The following NLRP14 variants were observed in gnomAD, a reference collection of about 807,000 sequenced individuals.
The protein encoded by NLRP14 is NACHT, LRR and PYD domains-containing protein 14.
A neutral mutation model predicts 94.7 loss-of-function variants in NLRP14; 105 were observed. The observed-to-expected ratio is 1.11, with a 90% CI of 0.95 to 1.30. The LOEUF is 1.30. NLRP14 is among the 50% of genes most tolerant of loss of function. The pLI, the probability that NLRP14 is intolerant of heterozygous loss-of-function variation, is 0.00. For synonymous variants in NLRP14, 508 were observed against 459.9 expected, an observed-to-expected ratio of 1.10 and a Z score of -1.34; for missense variants, 1,362 against 1,254.1, an observed-to-expected ratio of 1.09 and a Z score of -1.30.
chr11:7,082,252 C>T, the NLRP14 span, among the ~76,000 whole-genome samples: 7 of 152,174 alleles, frequency 4.6e-5, no homozygotes, highest in Non-Finnish European at 1.0e-4. Flanking sequence ...AGGCTTTTAA[C>T]TCATTTTTTT....
downstream of NLRP14, among the ~76,000 whole-genome samples, chr11:7,073,721 A>T (rs1446723809): frequency 6.6e-6 from 1 of 152,232 alleles, no homozygotes; most frequent in African/African-American, 2.4e-5. Flanking sequence ...TTATAAGAGA[A>T]TATTTCAAAT....
At chr11:7,028,552 A>G (rs1852046596) in intron 1 of NLRP14, among the ~76,000 whole-genome samples, 1 of 152,136 alleles carries the variant, frequency 6.6e-6, no homozygotes. Flanking sequence ...GCTATTATTC[A>G]CTTTGCCCAA....
At chr11:7,032,133 A>G (rs897585265) in intron 1 of NLRP14, among the ~76,000 whole-genome samples, 7 of 152,226 alleles carry the variant, frequency 4.6e-5, no homozygotes, top group Admixed American at 4.6e-4. Flanking sequence ...TATTTAAGGA[A>G]TGTATTCTAA....
chr11:7,080,013 G>A, the NLRP14 span, among the ~76,000 whole-genome samples: 7 of 152,164 alleles, frequency 4.6e-5, no homozygotes, highest in Non-Finnish European at 7.3e-5. Flanking sequence ...AAGGACTGGC[G>A]GGAAGGTTGT....
At chr11:7,021,274 T>C (rs2119531460) in intron 1 of NLRP14, among the ~76,000 whole-genome samples, 2 of 152,350 alleles carry the variant, frequency 1.3e-5, no homozygotes, top group Middle Eastern at 3.4e-3. Context: ...TGAGTTAGTG[T>C]AGTTAAAATG....
chr11:7,028,049 A>G (rs1472388138), intron 1 of NLRP14, among the ~76,000 whole-genome samples: 2 of 152,036 alleles, frequency 1.3e-5, no homozygotes, highest in Non-Finnish European at 2.9e-5. Flanking sequence ...TGAATGTTCT[A>G]TTCTCACTCC....
At chr11:7,082,962 C>A in the NLRP14 span, among the ~76,000 whole-genome samples, 1 of 152,214 alleles carries the variant, frequency 6.6e-6, no homozygotes, top group African/African-American at 2.4e-5. Context: ...TAGAGCTATA[C>A]TTTATTGTTT....
chr11:7,081,738 CT>C, the NLRP14 span, among the ~76,000 whole-genome samples: 1 of 152,186 alleles, frequency 6.6e-6, no homozygotes, highest in Non-Finnish European at 1.5e-5. Flanking sequence ...GCATGCCACC[CT>C]CCCAGCACAT....
At chr11:7,075,252 C>T (rs1473141868), downstream of NLRP14, among the ~76,000 whole-genome samples, 7 of 152,136 alleles carry the variant, frequency 4.6e-5, no homozygotes. Flanking sequence ...ATAGCACTAT[C>T]ACGAAATTTA....
intron 1 of NLRP14, among the ~76,000 whole-genome samples, chr11:7,035,391 A>T (rs1246249059): frequency 6.6e-6 from 1 of 152,142 alleles, no homozygotes; most frequent in Non-Finnish European, 1.5e-5. Flanking sequence ...ACTGGGGGGA[A>T]ATTTGCTGCC....
At chr11:7,081,405 A>G in the NLRP14 span, among the ~76,000 whole-genome samples, 1 of 152,024 alleles carries the variant, frequency 6.6e-6, no homozygotes, top group Non-Finnish European at 1.5e-5. Context: ...GGGCATTTTG[A>G]GCTGCTGAAA....
chr11:7,056,204 A>G (rs952328544), intron 6 of NLRP14, among the ~76,000 whole-genome samples: 1 of 151,982 alleles, frequency 6.6e-6, no homozygotes, highest in Admixed American at 6.6e-5. Flanking sequence ...TATAAAATTT[A>G]GGAATTCAGA....
Position 7,032,540 on chromosome 11 carries a change from A to G in NLRP14, c.-21-6026A>G, listed in dbSNP as rs193138016. 5.9e-5 allele frequency among the ~76,000 whole-genome samples: 9 copies of G among 152,292 alleles called. No homozygotes were observed. The East Asian group carries it at 1.5e-3, about 26-fold the overall frequency. Reference sequence around the variant, plus strand: ...TAGACATGCAGACATGCAGTTTTTCAAGAGTGTAGCAATTAACATTTATAT... The same window carrying G: ...TAGACATGCAGACATGCAGTTTTTCGAGAGTGTAGCAATTAACATTTATAT... On this transcript the variant is annotated intron_variant, in intron 1 of 11. Coordinates refer to ENST00000299481, the MANE Select transcript of NLRP14 (RefSeq NM_176822.4).
At chr11:7,087,641 G>GT in the NLRP14 span, among the ~76,000 whole-genome samples, 16 of 152,178 alleles carry the variant, frequency 1.1e-4, no homozygotes, top group Admixed American at 7.9e-4. Flanking sequence ...GCATTTTTAA[G>GT]TTAGCATTCA....
intron 1 of NLRP14, among the ~76,000 whole-genome samples, chr11:7,032,439 A>AG (rs1852111711): frequency 6.6e-6 from 1 of 152,136 alleles, no homozygotes; most frequent in Non-Finnish European, 1.5e-5. Context: ...TTCTGTATTT[A>AG]GGATTTTTTT....
At position 7,060,076 on chromosome 11, in the gene NLRP14, G is replaced by C; in HGVS notation, c.2804+12G>C. The C allele has an allele frequency of 6.2e-7, 1 of 1,610,690 alleles. No homozygotes were observed. The highest frequency in any genetic ancestry group is 8.5e-7 in the Non-Finnish European group (1 of 1,177,248). ...CTTCAGGACTTGGAGTAGGTTTTCT[G>C]TTGCTTTACTTTTGTGTAGTTTCAA... On this transcript the variant is annotated intron_variant, in intron 9 of 11. Coordinates refer to ENST00000299481, the MANE Select transcript of NLRP14 (RefSeq NM_176822.4).
chr11:7,065,844 T>G (rs1477850056), intron 10 of NLRP14, among the ~76,000 whole-genome samples: 1 of 152,130 alleles, frequency 6.6e-6, no homozygotes, highest in Non-Finnish European at 1.5e-5. Context: ...TTTCTCCTAA[T>G]GCTATCCCTC....
chr11:7,062,193 T>C, intron 9 of NLRP14, 140 bp from the exon 10 acceptor site: 2 of 704,352 alleles, frequency 2.8e-6, no homozygotes, highest in Admixed American at 4.9e-5. Context: ...ACTGATAAAT[T>C]AGACCCTCCC....
At chr11:7,048,399 CTG>C (rs779401844) in intron 5 of NLRP14, among the ~76,000 whole-genome samples, 9 of 152,084 alleles carry the variant, frequency 5.9e-5, no homozygotes, top group Non-Finnish European at 1.2e-4. Flanking sequence ...ATCCTAATCT[CTG>C]TATTTTGTGC....
Sources: allele counts gnomAD v4.1 joint callset (sites outside exome capture counted in the v4.1 genomes callset), GRCh38; gene constraint gnomAD v4.1.1; transcripts MANE v1.5; gene names NCBI Gene and HGNC (gene_info 2026-07-23, HGNC 2026-07-21).